The following SLC37A1 variants were observed in gnomAD, a reference collection of about 807,000 sequenced individuals.
SLC37A1 encodes solute carrier family 37 member 1.
In SLC37A1, 49 loss-of-function variants were observed where a neutral mutation model predicts 75.3. The observed-to-expected ratio is 0.65, with a 90% confidence interval of 0.52 to 0.83. The LOEUF (loss-of-function observed/expected upper bound fraction) is 0.83, where lower values mean the gene tolerates loss of function less well. SLC37A1 is among the 40% of genes least tolerant of loss of function. The probability of loss-of-function intolerance (pLI) is 0.00; values close to 1 mark genes in which losing one functional copy is unlikely to be tolerated. For missense variants in SLC37A1, 566 were observed against 695.0 expected, an observed-to-expected ratio of 0.81 and a Z score of 2.09; for synonymous variants, 268 against 292.1, an observed-to-expected ratio of 0.92 and a Z score of 0.84.
At chr21:42,557,484 G>A (rs931127471) in intron 10 of SLC37A1, among the ~76,000 whole-genome samples, 4 of 152,286 alleles carry the variant, frequency 2.6e-5, no homozygotes, top group African/African-American at 9.6e-5. Context: ...ATCATCGGGA[G>A]CATGTTAGGC....
At chr21:42,559,701 A>C (rs111773200) in intron 11 of SLC37A1, among the ~76,000 whole-genome samples, 21,539 of 152,140 alleles carry the variant, frequency 0.14, 2,196 homozygotes, top group African/African-American at 0.28. Flanking sequence ...CATGGCAAAA[A>C]CCGGTCTTTA....
At chr21:42,571,891 G>A (rs544292864) in intron 17 of SLC37A1, among the ~76,000 whole-genome samples, 11 of 151,680 alleles carry the variant, frequency 7.3e-5, no homozygotes, top group African/African-American at 1.5e-4. Context: ...CCCCTTTCAC[G>A]CCATCAGCCT....
At chr21:42,569,773 C>T (rs917428207) in intron 17 of SLC37A1, among the ~76,000 whole-genome samples, 20 of 152,234 alleles carry the variant, frequency 1.3e-4, no homozygotes, top group Non-Finnish European at 2.4e-4. Flanking sequence ...TCCAGGAGGA[C>T]GGGATTTGCC....
intron 2 of SLC37A1, among the ~76,000 whole-genome samples, chr21:42,523,428 G>A (rs1160354255): frequency 6.6e-6 from 1 of 152,264 alleles, no homozygotes; most frequent in African/African-American, 2.4e-5. Context: ...ATTGAGGGCC[G>A]GTGAAGCCCA....
intron 3 of SLC37A1, among the ~76,000 whole-genome samples, chr21:42,534,240 A>T (rs1023096317): frequency 6.6e-6 from 1 of 151,794 alleles, no homozygotes; most frequent in Non-Finnish European, 1.5e-5. Flanking sequence ...GCTTCATGTT[A>T]TGTTTGTGAG....
chr21:42,579,508 T>TTCATCATACAGCCCTGCCC, intron 18 of SLC37A1, among the ~76,000 whole-genome samples: 1 of 126,176 alleles, frequency 7.9e-6, no homozygotes, highest in African/African-American at 3.1e-5. Flanking sequence ...TTCGTGGGCC[T>TTCATCATACAGCCCTGCCC]TCATCAGACA....
intron 17 of SLC37A1, among the ~76,000 whole-genome samples, chr21:42,570,551 T>G (rs1569042201): frequency 6.6e-6 from 1 of 152,214 alleles, no homozygotes. Flanking sequence ...GTTGACGTTG[T>G]GACTGCGTGG....
At chr21:42,575,858 G>A in intron 18 of SLC37A1, 1 of 985,262 alleles carries the variant, frequency 1.0e-6, no homozygotes. Context: ...CTGTTCTTTG[G>A]ATCATCTGTG....
At chr21:42,565,752 G>A (rs375321326) in intron 14 of SLC37A1, 75 bp from the exon 15 acceptor site, 17 of 1,414,052 alleles carry the variant, frequency 1.2e-5, no homozygotes, top group Non-Finnish European at 4.0e-6. Context: ...CCGGGTTTTT[G>A]AGAAGTAGAT....
intron 9 of SLC37A1, among the ~76,000 whole-genome samples, chr21:42,551,445 G>T (rs2055554293): frequency 6.6e-6 from 1 of 152,198 alleles, no homozygotes. Flanking sequence ...CAGGGACTAG[G>T]GTGGGAAGAA....
intron 10 of SLC37A1, among the ~76,000 whole-genome samples, chr21:42,558,665 T>G (rs780869918): frequency 1.3e-5 from 2 of 152,280 alleles, no homozygotes; most frequent in African/African-American, 4.8e-5. Flanking sequence ...TCAATGATGA[T>G]GTGACATCCA....
At chr21:42,558,834 T>C (rs1170814423) in intron 10 of SLC37A1, 124 bp from the exon 11 acceptor site, 1 of 1,173,746 alleles carries the variant, frequency 8.5e-7, no homozygotes, top group South Asian at 1.4e-5. Context: ...ACCCAGGATG[T>C]CTCCAAGGCA....
rs113165870 is a variant in SLC37A1, at chr21:42,533,583, G to A, written c.139-1115G>A. 1.6e-3 allele frequency among the ~76,000 whole-genome samples: 247 copies of A among 151,366 alleles called. 1 individual carries two copies. Among genetic ancestry groups the A allele is most frequent in the African/African-American group, 5.7e-3 (236 of 41,202 alleles). ...CACTTAGGCCCCTCTGCCTCCCAAC[G>A]AGAAGCACCCACTCAGGCCCCTCTG... On this transcript the variant is annotated intron_variant, in intron 3 of 19. Coordinates refer to ENST00000352133, the MANE Select transcript of SLC37A1 (RefSeq NM_001320537.2).
chr21:42,530,779 C>T (rs1254458918), intron 3 of SLC37A1, among the ~76,000 whole-genome samples: 3 of 152,138 alleles, frequency 2.0e-5, no homozygotes, highest in African/African-American at 7.2e-5. Flanking sequence ...TCAGTGGCTC[C>T]TGCACCCTCC....
chr21:42,500,175 C>T (rs1201604233), intron 1 of SLC37A1, among the ~76,000 whole-genome samples: 1 of 152,216 alleles, frequency 6.6e-6, no homozygotes, highest in Non-Finnish European at 1.5e-5. Flanking sequence ...TCAGGTCCAT[C>T]TTAACTATAG....
chr21:42,522,516 C>T (rs148834134), intron 2 of SLC37A1, among the ~76,000 whole-genome samples: 2,215 of 152,272 alleles, frequency 0.015, 33 homozygotes, highest in Admixed American at 0.046. Flanking sequence ...GAGCTGAAGT[C>T]AGACCTTTCA....
intron 15 of SLC37A1, among the ~76,000 whole-genome samples, chr21:42,566,354 C>T (rs2055977944): frequency 1.3e-5 from 2 of 152,184 alleles, no homozygotes; most frequent in Admixed American, 1.3e-4. Flanking sequence ...GGTGGCCCCC[C>T]AGCCACCTCC....
chr21:42,529,409 C>T (rs906045666), intron 3 of SLC37A1, among the ~76,000 whole-genome samples: 5 of 152,066 alleles, frequency 3.3e-5, no homozygotes, highest in Non-Finnish European at 5.9e-5. Flanking sequence ...CAAAAGTGAG[C>T]TGGGCATGGT....
chr21:42,503,699 T>C (rs1294725937), intron 2 of SLC37A1, among the ~76,000 whole-genome samples: 2 of 152,196 alleles, frequency 1.3e-5, no homozygotes, highest in African/African-American at 2.4e-5. Context: ...TTGTTTGAAT[T>C]GCCTTTCTCC....
Sources: gnomAD v4.1 joint callset for allele counts (sites outside exome capture counted in the v4.1 genomes callset) on GRCh38, gnomAD v4.1.1 for gene constraint, MANE v1.5 for transcripts, NCBI Gene and HGNC (gene_info 2026-07-23, HGNC 2026-07-21) for gene names.